The following RREB1 variants were observed in gnomAD, a reference collection of about 807,000 sequenced individuals.
The protein encoded by RREB1 is ras responsive element binding protein 1.
Under a neutral mutation model 117.8 loss-of-function variants are expected in RREB1, and 27 were observed. The ratio of observed to expected loss-of-function variants is 0.23; its 90% CI spans 0.17 to 0.32. The LOEUF (loss-of-function observed/expected upper bound fraction) is 0.32. Among genes scored for constraint, RREB1 ranks in the 10% least tolerant of loss-of-function variants. The pLI is 1.00. For synonymous variants in RREB1, 1,298 were observed against 1,026.7 expected, an observed-to-expected ratio of 1.26 and a Z score of -5.05; for missense variants, 2,577 against 2,378.2, an observed-to-expected ratio of 1.08 and a Z score of -1.74.
At chr6:7,112,818 C>T (rs1019694616) in intron 1 of RREB1, among the ~76,000 whole-genome samples, 13 of 152,288 alleles carry the variant, frequency 8.5e-5, no homozygotes, top group African/African-American at 1.2e-4. Flanking sequence ...GACTGTGCTC[C>T]GCCCAATTTC....
chr6:7,174,417 TC>T (rs1230480946), intron 1 of RREB1, among the ~76,000 whole-genome samples: 2 of 152,128 alleles, frequency 1.3e-5, no homozygotes, highest in African/African-American at 4.8e-5. Context: ...AACCATCCTC[TC>T]CTTGCTGTCC....
intron 1 of RREB1, among the ~76,000 whole-genome samples, chr6:7,116,627 T>C (rs1219361891): frequency 6.6e-6 from 1 of 152,234 alleles, no homozygotes; most frequent in African/African-American, 2.4e-5. Flanking sequence ...AAGGCCTAAA[T>C]AGTGCTACAA....
At chr6:7,233,635 T>C (rs1379995867) in intron 10 of RREB1, among the ~76,000 whole-genome samples, 1 of 152,224 alleles carries the variant, frequency 6.6e-6, no homozygotes, top group Non-Finnish European at 1.5e-5. Context: ...TCCTGGGTTT[T>C]TTTTGTGGGT....
chr6:7,241,592 G>A (rs992082186), intron 11 of RREB1, among the ~76,000 whole-genome samples: 1 of 152,132 alleles, frequency 6.6e-6, no homozygotes, highest in African/African-American at 2.4e-5. Flanking sequence ...TAGTTACGAG[G>A]CACCCCTGCC....
rs1205094439 is a variant in RREB1, at chr6:7,248,516, AG to A, written c.4779del (p.Arg1593SerfsTer14). ...TCTTTCTTCCATTGTTCCAGGGGAA[AG>A]GCCATACAAATGTCAGACCTGCGAG... Reference protein sequence around the residue: ...TRHMRSHTGERPYKCQTCERT... With the variant: ...TRHMRSHTGEXPYKCQTCERT... On this transcript the variant is annotated frameshift_variant, in exon 13 of 13. Coordinates refer to ENST00000379938, the MANE Select transcript of RREB1 (RefSeq NM_001003699.4). LOFTEE classifies it high-confidence loss of function. The A allele has an allele frequency of 6.2e-7, 1 of 1,613,818 alleles. No individual in the cohort carries two copies. Among genetic ancestry groups the A allele is most frequent in the Non-Finnish European group, 8.5e-7 (1 of 1,179,796 alleles).
At chr6:7,186,488 C>G (rs1765087913) in intron 4 of RREB1, among the ~76,000 whole-genome samples, 1 of 152,176 alleles carries the variant, frequency 6.6e-6, no homozygotes, top group South Asian at 2.1e-4. Context: ...TCAGAAATCT[C>G]TGAGCATCCC....
rs1207081989 is a variant in RREB1, at chr6:7,249,798, A to ATC, written c.*830_*831insTC. ...CTTCCCTTTCAGTATATGTATTATT[A>ATC]ATATTATTATTATTATTATTATTAT... On this transcript the variant is annotated 3_prime_UTR_variant, in exon 13 of 13. Transcript: ENST00000379938. 1 of 150,894 alleles carries ATC rather than the reference A, an allele frequency of 6.6e-6. No homozygotes were observed. Among genetic ancestry groups the ATC allele is most frequent in the African/African-American group, 2.5e-5 (1 of 40,638 alleles). 9.3% of individuals were successfully genotyped at this position (150,894 alleles called of 1,614,324 possible). A position where few individuals can be genotyped will look rare whatever the true frequency, so the allele number is the denominator to read the frequency against.
intron 1 of RREB1, among the ~76,000 whole-genome samples, chr6:7,110,258 C>A (rs569582731): frequency 6.6e-6 from 1 of 152,294 alleles, no homozygotes; most frequent in South Asian, 2.1e-4. Context: ...AAATCATCCT[C>A]TAGATTTGGT....
At chr6:7,239,232 A>C (rs1406687145) in intron 10 of RREB1, among the ~76,000 whole-genome samples, 1 of 152,224 alleles carries the variant, frequency 6.6e-6, no homozygotes, top group African/African-American at 2.4e-5. Context: ...AGACAAAAGT[A>C]CTGGGCCCCA....
At chr6:7,177,060 TA>T (rs577181680) in intron 2 of RREB1, among the ~76,000 whole-genome samples, 2 of 149,804 alleles carry the variant, frequency 1.3e-5, no homozygotes, top group South Asian at 2.1e-4. Context: ...CTACTAAAAA[TA>T]AAAAAAAATT....
intron 1 of RREB1, among the ~76,000 whole-genome samples, chr6:7,165,185 C>T (rs917118964): frequency 2.6e-5 from 4 of 152,164 alleles, no homozygotes; most frequent in Non-Finnish European, 4.4e-5. Context: ...TTCCAAGAGG[C>T]TCTGGAGGCA....
intron 1 of RREB1, among the ~76,000 whole-genome samples, chr6:7,149,107 G>C (rs570391307): frequency 1.4e-4 from 21 of 152,234 alleles, no homozygotes; most frequent in African/African-American, 4.1e-4. Context: ...ATTTTTAGTA[G>C]AGTCGGGGTT....
Position 7,233,724 on chromosome 6 carries a change from T to C in RREB1, c.3808+1817T>C, listed in dbSNP as rs148454335. 2.8e-3 allele frequency among the ~76,000 whole-genome samples: 429 copies of C among 152,212 alleles called. 3 individuals carry two copies. The highest frequency in any genetic ancestry group is 9.4e-3 in the African/African-American group (392 of 41,530). On this transcript the variant is annotated intron_variant, in intron 10 of 12. Coordinates refer to ENST00000379938, the MANE Select transcript of RREB1 (RefSeq NM_001003699.4). ...GGATGTTGAGGGTGGGTTGTGGGAATTGGTGTGAGCTGTGCTCTGTGTCCA... is the reference window on the plus strand; with the variant it reads ...GGATGTTGAGGGTGGGTTGTGGGAACTGGTGTGAGCTGTGCTCTGTGTCCA...
At chr6:7,200,096 T>C (rs1297515233) in intron 6 of RREB1, among the ~76,000 whole-genome samples, 3 of 152,158 alleles carry the variant, frequency 2.0e-5, no homozygotes, top group Non-Finnish European at 4.4e-5. Flanking sequence ...TTTGCTAGAC[T>C]TGACCTTCCT....
chr6:7,149,969 G>T (rs1223061103), intron 1 of RREB1, among the ~76,000 whole-genome samples: 1 of 151,274 alleles, frequency 6.6e-6, no homozygotes, highest in Non-Finnish European at 1.5e-5. Flanking sequence ...GATTATAGGC[G>T]TGGGCCACTG....
At chr6:7,167,235 C>T (rs1205520770) in intron 1 of RREB1, among the ~76,000 whole-genome samples, 1 of 152,004 alleles carries the variant, frequency 6.6e-6, no homozygotes, top group African/African-American at 2.4e-5. Context: ...ATTTCCTGGT[C>T]GCCAGATAGC....
At chr6:7,228,495 CTTTTTTT>C (rs568193582) in intron 9 of RREB1, among the ~76,000 whole-genome samples, 30 of 91,230 alleles carry the variant, frequency 3.3e-4, no homozygotes, top group Non-Finnish European at 4.2e-4. Context: ...AGAAGGTCAA[CTTTTTTT>C]TTTTTTTTTT....
chr6:7,120,138 G>A (rs76298066), intron 1 of RREB1, among the ~76,000 whole-genome samples: 153 of 149,474 alleles, frequency 1.0e-3, no homozygotes, highest in African/African-American at 3.6e-3. Context: ...TACTTGCACT[G>A]TGTTTTAGTT....
chr6:7,244,260 C>A (rs547036983), intron 11 of RREB1, among the ~76,000 whole-genome samples: 1 of 144,536 alleles, frequency 6.9e-6, no homozygotes, highest in Non-Finnish European at 1.5e-5. Context: ...AAGACTCCAT[C>A]TCAAAAAAAA....
Sources: gnomAD v4.1 joint callset for allele counts (sites outside exome capture counted in the v4.1 genomes callset) on GRCh38, gnomAD v4.1.1 for gene constraint, MANE v1.5 for transcripts, NCBI Gene and HGNC (gene_info 2026-07-23, HGNC 2026-07-21) for gene names.